The following MAGI1 variants were observed in gnomAD, a reference collection of about 807,000 sequenced individuals.
MAGI1 encodes the protein membrane-associated guanylate kinase, WW and PDZ domain-containing protein 1.
MAGI1 carries 58 observed loss-of-function variants against 139.9 expected under a neutral mutation model. The ratio of observed to expected loss-of-function variants is 0.41; its 90% CI spans 0.34 to 0.52. The LOEUF (loss-of-function observed/expected upper bound fraction) is 0.52, where lower values mean the gene tolerates loss of function less well. MAGI1 is among the 20% of genes least tolerant of loss of function. The pLI is 0.12. For missense variants in MAGI1, 1,874 were observed against 1,901.6 expected, an observed-to-expected ratio of 0.99 and a Z score of 0.27; for synonymous variants, 812 against 737.9, an observed-to-expected ratio of 1.10 and a Z score of -1.63.
At chr3:65,379,981 C>T (rs1039171942) in intron 16 of MAGI1, among the ~76,000 whole-genome samples, 1 of 152,218 alleles carries the variant, frequency 6.6e-6, no homozygotes, top group African/African-American at 2.4e-5. Context: ...TTCACATTGT[C>T]ATTACTTTCC....
chr3:66,009,764 C>T (rs1237829201), intron 1 of MAGI1, among the ~76,000 whole-genome samples: 2 of 152,014 alleles, frequency 1.3e-5, no homozygotes, highest in East Asian at 2.0e-4. Context: ...ATTAACTCTT[C>T]AACCTAAAAG....
intron 18 of MAGI1, among the ~76,000 whole-genome samples, chr3:65,368,989 A>G (rs572075644): frequency 1.3e-5 from 2 of 152,282 alleles, no homozygotes; most frequent in East Asian, 3.9e-4. Flanking sequence ...ATCTCCATAC[A>G]ATGCAAATGT....
At chr3:65,657,335 C>T (rs1559760155) in intron 1 of MAGI1, among the ~76,000 whole-genome samples, 2 of 151,556 alleles carry the variant, frequency 1.3e-5, no homozygotes, top group Non-Finnish European at 2.9e-5. Context: ...TGGCTCACAC[C>T]TGTAGTCCAA....
intron 1 of MAGI1, among the ~76,000 whole-genome samples, chr3:65,716,862 C>T (rs2032316955): frequency 6.6e-6 from 1 of 152,180 alleles, no homozygotes; most frequent in African/African-American, 2.4e-5. Context: ...CAGTTTATCA[C>T]AAAATCTTAG....
In MAGI1 at chr3:65,660,048, G is replaced by A. The variant is rs370246235; in HGVS notation, c.314-37960C>T. On this transcript the variant is annotated intron_variant, in intron 1 of 22. Transcript: ENST00000402939. ...TACCTGGTATTTACAAAATGATTTC[G>A]TTATGCCAATTGTTACATGTTGTGG... Among the ~76,000 whole-genome samples, 14 of 152,236 alleles carry A rather than the reference G, an allele frequency of 9.2e-5. No homozygotes were observed. In the East Asian group the frequency reaches 2.3e-3, roughly 25 times the overall value.
intron 5 of MAGI1, among the ~76,000 whole-genome samples, chr3:65,467,915 T>C (rs969869137): frequency 1.3e-5 from 2 of 152,220 alleles, no homozygotes; most frequent in Non-Finnish European, 2.9e-5. Context: ...TAACAATGTT[T>C]AAACTCCTCA....
At chr3:65,578,331 C>T (rs2081267533) in intron 2 of MAGI1, among the ~76,000 whole-genome samples, 1 of 152,080 alleles carries the variant, frequency 6.6e-6, no homozygotes, top group Admixed American at 6.5e-5. Flanking sequence ...AGAAAGAAAT[C>T]ACCCTACCAA....
intron 4 of MAGI1, among the ~76,000 whole-genome samples, chr3:65,477,705 A>ATTT (rs1293078224): frequency 2.7e-5 from 3 of 111,462 alleles, no homozygotes; most frequent in African/African-American, 8.5e-5. Context: ...TATTATTATT[A>ATTT]TTATTATTTT....
At chr3:65,489,873 A>G (rs1951881323) in intron 3 of MAGI1, among the ~76,000 whole-genome samples, 1 of 152,226 alleles carries the variant, frequency 6.6e-6, no homozygotes, top group Non-Finnish European at 1.5e-5. Flanking sequence ...TGTAGGAACT[A>G]TTCCATCATG....
At chr3:65,639,015 CTGG>C (rs1287471096) in intron 1 of MAGI1, among the ~76,000 whole-genome samples, 6 of 152,220 alleles carry the variant, frequency 3.9e-5, no homozygotes, top group Admixed American at 6.5e-5. Context: ...TCCCCAAGTG[CTGG>C]GTTTACAGGC....
chr3:65,492,776 A>T (rs1952134510), intron 3 of MAGI1, among the ~76,000 whole-genome samples: 1 of 152,202 alleles, frequency 6.6e-6, no homozygotes, highest in Non-Finnish European at 1.5e-5. Context: ...AGACAGGTAT[A>T]TGAAGATTAC....
intron 18 of MAGI1, among the ~76,000 whole-genome samples, chr3:65,375,517 T>A (rs951972495): frequency 1.3e-5 from 2 of 152,050 alleles, no homozygotes; most frequent in African/African-American, 4.8e-5. Context: ...CAACACAGGG[T>A]CACAGGGCTA....
At chr3:65,732,641 C>A (rs1369473465) in intron 1 of MAGI1, among the ~76,000 whole-genome samples, 2 of 152,154 alleles carry the variant, frequency 1.3e-5, no homozygotes, top group Non-Finnish European at 2.9e-5. Flanking sequence ...ATATAATATA[C>A]AAAACTCTTT....
intron 1 of MAGI1, among the ~76,000 whole-genome samples, chr3:65,712,373 C>A (rs2031573021): frequency 6.6e-6 from 1 of 151,288 alleles, no homozygotes; most frequent in Non-Finnish European, 1.5e-5. Context: ...GCAACAACTG[C>A]CAGACATGTG....
chr3:66,005,109 G>C (rs540500925), intron 1 of MAGI1, among the ~76,000 whole-genome samples: 20 of 151,830 alleles, frequency 1.3e-4, no homozygotes, highest in African/African-American at 4.9e-4. Flanking sequence ...ATGTTAAATG[G>C]CTTTTTTATT....
chr3:65,695,782 G>A (rs934106974), intron 1 of MAGI1, among the ~76,000 whole-genome samples: 1 of 152,166 alleles, frequency 6.6e-6, no homozygotes, highest in Non-Finnish European at 1.5e-5. Context: ...CCAGCTGCAG[G>A]CCATGTCGGG....
rs1940162414 is a variant in MAGI1, at chr3:65,355,593, G to A, written c.*785C>T. On this transcript the variant is annotated 3_prime_UTR_variant, in exon 23 of 23. Transcript: ENST00000402939. ...CGTAGTAATTGAGCAAAGCTGTGAT[G>A]GCATTGCCTTCAATGAGATTTTATC... The A allele has an allele frequency of 6.6e-6, 1 of 152,634 alleles. No homozygotes were observed. The highest frequency in any genetic ancestry group is 1.5e-5 in the Non-Finnish European group (1 of 68,048). 9.5% of individuals were successfully genotyped at this position (152,634 alleles called of 1,614,324 possible). A position where few individuals can be genotyped will look rare whatever the true frequency, so the allele number is the denominator to read the frequency against.
At chr3:65,923,947 A>C (rs2062365884) in intron 1 of MAGI1, among the ~76,000 whole-genome samples, 1 of 152,248 alleles carries the variant, frequency 6.6e-6, no homozygotes, top group Admixed American at 6.5e-5. Context: ...TTATATTAAG[A>C]GTAATATTAA....
At chr3:65,652,836 C>A (rs559665376) in intron 1 of MAGI1, among the ~76,000 whole-genome samples, 1 of 152,114 alleles carries the variant, frequency 6.6e-6, no homozygotes, top group East Asian at 1.9e-4. Flanking sequence ...AGATGTAATT[C>A]GGAAGGCTGA....
Sources: gnomAD v4.1 joint callset for allele counts (sites outside exome capture counted in the v4.1 genomes callset) on GRCh38, gnomAD v4.1.1 for gene constraint, MANE v1.5 for transcripts, NCBI Gene and HGNC (gene_info 2026-07-23, HGNC 2026-07-21) for gene names.